The following USP3 variants were observed in gnomAD, a reference collection of about 807,000 sequenced individuals.
USP3 encodes the protein ubiquitin carboxyl-terminal hydrolase 3.
Under a neutral mutation model 72.3 loss-of-function variants are expected in USP3, and 20 were observed. The ratio of observed to expected loss-of-function variants is 0.28; its 90% CI spans 0.19 to 0.40. USP3 has a LOEUF of 0.40. Among genes scored for constraint, USP3 ranks in the 10% least tolerant of loss-of-function variants. The probability of loss-of-function intolerance (pLI) is 1.00; values close to 1 mark genes in which losing one functional copy is unlikely to be tolerated. For missense variants in USP3, 479 were observed against 633.9 expected (o/e 0.76, Z 2.62); for synonymous variants, 222 against 225.3 (o/e 0.99, Z 0.13).
Position 63,565,494 on chromosome 15 carries a change from A to G in USP3, c.761+2486A>G, listed in dbSNP as rs76414855. ...AATAGGCAAAAACATATGTGGTTCAAAATTCAAAAGGTAACAAAAGAATAT... is the reference window on the plus strand; with the variant it reads ...AATAGGCAAAAACATATGTGGTTCAGAATTCAAAAGGTAACAAAAGAATAT... On this transcript the variant is annotated intron_variant, in intron 8 of 14. Transcript: ENST00000380324. Among the ~76,000 whole-genome samples the G allele has an allele frequency of 3.6e-4, 55 of 152,352 alleles. No homozygotes were observed. In the East Asian group the frequency reaches 0.01, roughly 28 times the overall value.
chr15:63,529,234 T>G lies in USP3; in HGVS notation c.92-3413T>G, dbSNP rs914921938. The G allele has an allele frequency of 2.2e-4, 92 of 419,346 alleles. No individual in the cohort carries two copies. The highest frequency in any genetic ancestry group is 6.3e-5 in the Non-Finnish European group (14 of 221,786). 26.0% of individuals were successfully genotyped at this position (419,346 alleles called of 1,614,324 possible). Reference sequence around the variant, plus strand: ...TTAAAAGGCACAGTCCATAGTCACTTGTTTCCAATGATTTTGGAAGTCAGT... The same window carrying G: ...TTAAAAGGCACAGTCCATAGTCACTGGTTTCCAATGATTTTGGAAGTCAGT... On this transcript the variant is annotated intron_variant, in intron 1 of 14. Coordinates refer to ENST00000380324, the MANE Select transcript of USP3 (RefSeq NM_006537.4). This position sits in a 1 kb window ranked among gnomAD's most constrained non-coding sequence, Gnocchi z 4.2.
In USP3 at chr15:63,544,399, T is replaced by C. The variant is rs1284436949; in HGVS notation, c.284+7243T>C. 3 of 333,220 alleles carry C rather than the reference T, an allele frequency of 9.0e-6. No homozygotes were observed. Among genetic ancestry groups the C allele is most frequent in the African/African-American group, 2.1e-5 (1 of 47,054 alleles). The allele number at this position is 333,220 out of a possible 1,614,324, so 20.6% of individuals were successfully genotyped here. A position where few individuals can be genotyped will look rare whatever the true frequency, so the allele number is the denominator to read the frequency against. ...TGAGGTCTGGTAGAAAGAAAGTAAC[T>C]TTATTAACCAAAACTAGTGAAAGGG... On this transcript the variant is annotated intron_variant, in intron 3 of 14. Coordinates refer to ENST00000380324, the MANE Select transcript of USP3 (RefSeq NM_006537.4). This position sits in a 1 kb window ranked among gnomAD's most constrained non-coding sequence, Gnocchi z 4.2.
chr15:63,571,678 G>A (rs2066781122), intron 9 of USP3, among the ~76,000 whole-genome samples: 1 of 148,362 alleles, frequency 6.7e-6, no homozygotes, highest in African/African-American at 2.4e-5. Flanking sequence ...GAGGGTATAT[G>A]TCTTTATGAT....
chr15:63,542,242 GTAGCAATT>G, intron 3 of USP3: 1 of 967,778 alleles, frequency 1.0e-6, no homozygotes, highest in Non-Finnish European at 1.2e-6. Context: ...ATTCAGTATG[GTAGCAATT>G]GAGCAATTGA....
intron 1 of USP3, among the ~76,000 whole-genome samples, chr15:63,506,003 G>A (rs2065707764): frequency 6.6e-6 from 1 of 152,146 alleles, no homozygotes; most frequent in Non-Finnish European, 1.5e-5. Context: ...AAACAACATC[G>A]GTAGGTCCAC....
intron 11 of USP3, among the ~76,000 whole-genome samples, chr15:63,579,254 A>G (rs2066914310): frequency 1.3e-5 from 2 of 152,198 alleles, no homozygotes; most frequent in East Asian, 1.9e-4. Flanking sequence ...TTTTCTCCCA[A>G]ATTACTCCCT....
chr15:63,558,558 C>T (rs778435183), intron 6 of USP3, among the ~76,000 whole-genome samples: 34 of 150,040 alleles, frequency 2.3e-4, no homozygotes, highest in Middle Eastern at 6.9e-3. Context: ...ATATCCCCCA[C>T]CCCCCCGCTC....
At position 63,591,767 on chromosome 15, in the gene USP3, C is replaced by T. The variant is rs2067205300; in HGVS notation, c.*941C>T. The T allele has an allele frequency of 2.6e-5, 4 of 152,366 alleles. No individual in the cohort carries two copies. Among genetic ancestry groups the T allele is most frequent in the South Asian group, 4.1e-4 (2 of 4,830 alleles). The allele number at this position is 152,366 out of a possible 1,614,324, so 9.4% of individuals were successfully genotyped here. ...GGATTTACTTGGATCATCACCCGCA[C>T]TTCAGTTTATCACTGGGGGGTGTGC... On this transcript the variant is annotated 3_prime_UTR_variant, in exon 15 of 15. Transcript: ENST00000380324.
At chr15:63,549,035 C>T (rs1433962539) in intron 3 of USP3, among the ~76,000 whole-genome samples, 8 of 152,034 alleles carry the variant, frequency 5.3e-5, no homozygotes. Context: ...ATTAAAAAAG[C>T]AAAAAGAAAC....
intron 8 of USP3, among the ~76,000 whole-genome samples, chr15:63,568,851 T>G (rs2066735137): frequency 6.6e-6 from 1 of 152,188 alleles, no homozygotes; most frequent in Non-Finnish European, 1.5e-5. Flanking sequence ...AATAGCTGAG[T>G]GTTCCGTGAT....
rs12101373 is a variant in USP3, at chr15:63,588,553, C to T, written c.1215+130C>T. The T allele has an allele frequency of 1.2e-3, 1,132 of 955,662 alleles. 6 individuals are homozygous for T. The African/African-American group carries it at 0.016, about 13-fold the overall frequency. The allele number at this position is 955,662 out of a possible 1,614,324, so 59.2% of individuals were successfully genotyped here. ...TCTAGGATTTTCAGTAAAAGCTAAA[C>T]CCCTTACAGAATGAATGCATAAGGT... On this transcript the variant is annotated intron_variant, in intron 12 of 14. Coordinates refer to ENST00000380324, the MANE Select transcript of USP3 (RefSeq NM_006537.4). This position sits in a 1 kb window ranked among gnomAD's most constrained non-coding sequence, Gnocchi z 4.6.
chr15:63,521,908 A>T (rs1364516725), intron 1 of USP3, among the ~76,000 whole-genome samples: 1 of 152,216 alleles, frequency 6.6e-6, no homozygotes, highest in African/African-American at 2.4e-5. Flanking sequence ...GAGGAATGGC[A>T]TCTTGGATTC....
At position 63,532,678 on chromosome 15, in the gene USP3, T is replaced by C; in HGVS notation, c.123T>C (p.Cys41=). Residue 41 remains cysteine (C), a synonymous_variant, in exon 2 of 15, where the codon TGT becomes TGC. Transcript: ENST00000380324. ...GGTCCAACAAAAGCCCTTGGGTCTG[T>C]TTGACTTGTTCAAGTGTCCACTGTG... is the stretch of plus-strand genomic sequence containing the variant. ...VCRSNKSPWV[C]LTCSSVHCGR... The C allele has an allele frequency of 6.2e-7, 1 of 1,614,050 alleles. No individual in the cohort carries two copies. Among genetic ancestry groups the C allele is most frequent in the Admixed American group, 1.7e-5 (1 of 60,018 alleles).
intron 11 of USP3, among the ~76,000 whole-genome samples, chr15:63,575,066 A>C (rs1350698981): frequency 3.3e-5 from 5 of 152,038 alleles, no homozygotes; most frequent in African/African-American, 1.2e-4. Context: ...CAGAAACTCT[A>C]CACTGAAGCT....
At chr15:63,561,326 A>G (rs2066604704) in intron 7 of USP3, among the ~76,000 whole-genome samples, 2 of 152,206 alleles carry the variant, frequency 1.3e-5, no homozygotes, top group Non-Finnish European at 2.9e-5. Context: ...TTAGGCAGCA[A>G]AGGAATTTAC....
chr15:63,504,974 C>A, intron 1 of USP3, 144 bp downstream of exon 1: 1 of 476,340 alleles, frequency 2.1e-6, no homozygotes, highest in Non-Finnish European at 2.9e-6. Context: ...GGAGGGTACG[C>A]GATGAGGCGG....
intron 2 of USP3, among the ~76,000 whole-genome samples, chr15:63,534,641 C>A (rs1192619680): frequency 6.6e-6 from 1 of 152,140 alleles, no homozygotes; most frequent in Non-Finnish European, 1.5e-5. Flanking sequence ...ATCTTAATAT[C>A]AGTATTCCTA....
chr15:63,522,184 C>T (rs942160163), intron 1 of USP3, among the ~76,000 whole-genome samples: 3 of 152,268 alleles, frequency 2.0e-5, no homozygotes, highest in East Asian at 3.9e-4. Context: ...TCCTCTCAGG[C>T]GATTAATGAC....
At chr15:63,586,351 C>T (rs1350822100) in intron 11 of USP3, among the ~76,000 whole-genome samples, 1 of 152,014 alleles carries the variant, frequency 6.6e-6, no homozygotes, top group Non-Finnish European at 1.5e-5. Context: ...CTCCTTTTTT[C>T]TAGTTTGAGT....
Sources: gnomAD v4.1 joint callset for allele counts (sites outside exome capture counted in the v4.1 genomes callset) on GRCh38, gnomAD v4.1.1 for gene constraint, Gnocchi (gnomAD v3.1) non-coding constraint, MANE v1.5 for transcripts, NCBI Gene and HGNC (gene_info 2026-07-23, HGNC 2026-07-21) for gene names.